BRPF3: variants seen among roughly 807,000 people sequenced by gnomAD.
BRPF3 encodes bromodomain and PHD finger-containing protein 3.
BRPF3 carries 18 observed loss-of-function variants against 102.0 expected under a neutral mutation model. The ratio of observed to expected loss-of-function variants is 0.18; its 90% CI spans 0.12 to 0.26. BRPF3 has a LOEUF of 0.26. Among genes scored for constraint, BRPF3 ranks in the 10% least tolerant of loss-of-function variants. The probability of loss-of-function intolerance (pLI) is 1.00; values close to 1 mark genes in which losing one functional copy is unlikely to be tolerated. For missense variants in BRPF3, 1,147 were observed against 1,567.8 expected (o/e 0.73, Z 4.53); for synonymous variants, 570 against 614.2 (o/e 0.93, Z 1.06).
intron 12 of BRPF3, among the ~76,000 whole-genome samples, chr6:36,229,262 A>G (rs1239401862): frequency 6.6e-6 from 1 of 152,214 alleles, no homozygotes; most frequent in African/African-American, 2.4e-5. Context: ...TGAGGTCGAG[A>G]CTTGCATCAG....
At chr6:36,225,721 G>GTA (rs781266978) in intron 11 of BRPF3, among the ~76,000 whole-genome samples, 1 of 152,146 alleles carries the variant, frequency 6.6e-6, no homozygotes, top group Non-Finnish European at 1.5e-5. Flanking sequence ...ACTGAGGAAA[G>GTA]TATGATTATT....
intron 3 of BRPF3, among the ~76,000 whole-genome samples, chr6:36,205,893 G>A (rs192519442): frequency 6.0e-4 from 91 of 152,222 alleles, no homozygotes; most frequent in Non-Finnish European, 3.8e-4. Context: ...TTGTTAATTT[G>A]TAACTCAAAT....
At chr6:36,227,007 G>T (rs1768763540) in intron 11 of BRPF3, among the ~76,000 whole-genome samples, 1 of 152,144 alleles carries the variant, frequency 6.6e-6, no homozygotes, top group Non-Finnish European at 1.5e-5. Context: ...AAAAAAACTA[G>T]TCTAAAACTC....
chr6:36,203,819 C>T (rs568591553), intron 2 of BRPF3, among the ~76,000 whole-genome samples: 35 of 152,308 alleles, frequency 2.3e-4, no homozygotes, highest in Non-Finnish European at 4.3e-4. Flanking sequence ...TCAAATCCAA[C>T]CTGGATCCAC....
intron 3 of BRPF3, among the ~76,000 whole-genome samples, chr6:36,207,086 A>G (rs1000370622): frequency 1.3e-5 from 2 of 152,180 alleles, no homozygotes; most frequent in Admixed American, 6.5e-5. Context: ...AAGCAGTCCC[A>G]GATCCTACTC....
Position 36,210,087 on chromosome 6 carries a change from G to A in BRPF3, c.1867-129G>A. 1 of 1,417,604 alleles carries A rather than the reference G, an allele frequency of 7.1e-7. No individual in the cohort carries two copies. The highest frequency in any genetic ancestry group is 9.8e-7 in the Non-Finnish European group (1 of 1,020,736). 87.8% of individuals were successfully genotyped at this position (1,417,604 alleles called of 1,614,324 possible). On this transcript the variant is annotated intron_variant, in intron 5 of 12. Coordinates refer to ENST00000357641, the MANE Select transcript of BRPF3 (RefSeq NM_015695.3). This position sits in a 1 kb window ranked among gnomAD's most constrained non-coding sequence, Gnocchi z 4.7. ...GGGGTCAGCAGGCCAGGGTGGGCCA[G>A]GACTGTAGGTCTTTGAGTTAGCCTG... is the stretch of plus-strand genomic sequence containing the variant.
At chr6:36,225,526 C>G (rs59200830) in intron 11 of BRPF3, among the ~76,000 whole-genome samples, 162 bp downstream of exon 11, 1 of 151,982 alleles carries the variant, frequency 6.6e-6, no homozygotes, top group Non-Finnish European at 1.5e-5. Flanking sequence ...TAGCAAGGCT[C>G]CCAGCTTGGA....
At chr6:36,213,715 A>C (rs1768215287) in intron 7 of BRPF3, 165 bp from the exon 8 acceptor site, 2 of 793,336 alleles carry the variant, frequency 2.5e-6, no homozygotes, top group Non-Finnish European at 4.0e-6. Context: ...AAAAAAAAAA[A>C]AAACCTAATC....
In BRPF3 at chr6:36,230,557, A is replaced by C. The variant is rs781157697; in HGVS notation, c.3566A>C (p.His1189Pro). ...GTGGCCTATGACCGTGCGATGATCC[A>C]CCTGAGCAGAGTCCGGGGGCCCCAC... ...VQVAYDRAMIHLSRVRGPHSF... is the reference protein window; with the variant it reads ...VQVAYDRAMIPLSRVRGPHSF... Residue 1189 changes from histidine (H) to proline (P), a missense_variant, in exon 13 of 13, where the codon CAC (histidine) becomes CCC (proline). Physicochemically the swap from His to Pro is moderately conservative, Grantham distance 77. Coordinates refer to ENST00000357641, the MANE Select transcript of BRPF3 (RefSeq NM_015695.3). The surrounding 1 kb of genome is among the most constrained non-coding windows in gnomAD (Gnocchi z 5.4). 1 of 1,614,032 alleles carries C rather than the reference A, an allele frequency of 6.2e-7. No homozygotes were observed.
intron 9 of BRPF3, among the ~76,000 whole-genome samples, chr6:36,220,532 T>A (rs1768497533): frequency 6.6e-6 from 1 of 152,236 alleles, no homozygotes; most frequent in Non-Finnish European, 1.5e-5. Flanking sequence ...TTTGCTGTGC[T>A]GTCTTCTGTT....
chr6:36,214,005 A>C lies in BRPF3; in HGVS notation c.2608A>C (p.Arg870=). The C allele has an allele frequency of 6.2e-7, 1 of 1,613,996 alleles. No homozygotes were observed. The part of the protein sequence containing the change: ...KPINDSKPPS[R]FLKPRKVEED... The stretch of plus-strand genomic sequence containing the variant: ...CATTAATGATAGCAAACCTCCAAGC[A>C]GGTTCCTAAAGCCCAGAAAGGTGGA... The change falls in exon 8 of 13, where the codon AGG becomes CGG. Residue 870 remains arginine (R), a synonymous_variant. Transcript: ENST00000357641.
At chr6:36,223,014 T>G (rs957849096) in intron 10 of BRPF3, among the ~76,000 whole-genome samples, 13 of 152,138 alleles carry the variant, frequency 8.5e-5, no homozygotes, top group Admixed American at 8.5e-4. Context: ...ACCCTGTAGT[T>G]TTATGGGCCT....
At chr6:36,222,113 C>CAG in intron 9 of BRPF3, 55 bp from the exon 10 acceptor site, 1 of 1,507,294 alleles carries the variant, frequency 6.6e-7, no homozygotes, top group Non-Finnish European at 9.0e-7. Context: ...GGGGAGTCGG[C>CAG]GTTTTAGTCA....
At chr6:36,209,756 C>G (rs1172649331) in intron 4 of BRPF3, 31 bp from the exon 5 acceptor site, 1 of 1,605,850 alleles carries the variant, frequency 6.2e-7, no homozygotes, top group Non-Finnish European at 8.5e-7. Context: ...AGGGGATGTT[C>G]TGATCTGATC....
intron 9 of BRPF3, 101 bp from the exon 10 acceptor site, chr6:36,222,067 C>A: frequency 8.5e-7 from 1 of 1,169,608 alleles, no homozygotes; most frequent in South Asian, 1.4e-5. Flanking sequence ...AGAGTTTTTG[C>A]AGCTCCACTC....
chr6:36,201,168 C>G lies in BRPF3; in HGVS notation c.846C>G (p.Thr282=). Residue 282 remains threonine, a synonymous_variant, in exon 2 of 13, where the codon ACC becomes ACG. Transcript: ENST00000357641. The surrounding 1 kb of genome is among the most constrained non-coding windows in gnomAD (Gnocchi z 5.1). ...ATAAGGGTGGCGCCTTCAAACAGAC[C>G]AGTGATGGGCACTGGGCCCATGTGG... ...CPNKGGAFKQ[T]SDGHWAHVVC... 1 of 1,614,110 alleles carries G rather than the reference C, an allele frequency of 6.2e-7. No homozygotes were observed. The highest frequency in any genetic ancestry group is 2.2e-5 in the East Asian group (1 of 44,876).
At chr6:36,222,310 G>A (rs1768576668) in intron 10 of BRPF3, 45 bp downstream of exon 10, 1 of 1,523,540 alleles carries the variant, frequency 6.6e-7, no homozygotes, top group Non-Finnish European at 8.9e-7. Context: ...CAGGCCTTCT[G>A]AGGAGCCAGC....
chr6:36,201,867 A>G lies in BRPF3; in HGVS notation c.1448+97A>G. 1 of 1,473,940 alleles carries G rather than the reference A, an allele frequency of 6.8e-7. No individual in the cohort carries two copies. 91.3% of individuals were successfully genotyped at this position (1,473,940 alleles called of 1,614,324 possible). ...CCTTCGCTAAACACAGTTGGACACTATATCCTCCTCCCCGAATTTAAACTC... is the reference window on the plus strand; with the variant it reads ...CCTTCGCTAAACACAGTTGGACACTGTATCCTCCTCCCCGAATTTAAACTC... On this transcript the variant is annotated intron_variant, in intron 2 of 12. Transcript: ENST00000357641. This position sits in a 1 kb window ranked among gnomAD's most constrained non-coding sequence, Gnocchi z 5.1.
chr6:36,214,423 C>T, intron 8 of BRPF3, 37 bp downstream of exon 8: 2 of 1,510,154 alleles, frequency 1.3e-6, no homozygotes, highest in Non-Finnish European at 1.8e-6. Flanking sequence ...TACTTCGCAT[C>T]TGCTTTTCTG....
Sources: allele counts gnomAD v4.1 joint callset (sites outside exome capture counted in the v4.1 genomes callset), GRCh38; gene constraint gnomAD v4.1.1; non-coding constraint Gnocchi (gnomAD v3.1); transcripts MANE v1.5; gene names NCBI Gene and HGNC (gene_info 2026-07-23, HGNC 2026-07-21).